Variants in RGS5 observed in about 807,000 individuals in gnomAD.
RGS5 encodes the protein regulator of G-protein signalling 5.
Under a neutral mutation model 18.9 loss-of-function variants are expected in RGS5, and 20 were observed. The ratio of observed to expected loss-of-function variants is 1.06; its 90% CI spans 0.74 to 1.54. RGS5 has a LOEUF of 1.54. Ranked by LOEUF, RGS5 falls within the 40% of genes most tolerant of loss-of-function variation. The pLI is 0.00. For synonymous variants in RGS5, 57 were observed against 76.2 expected, an observed-to-expected ratio of 0.75 and a Z score of 1.31; for missense variants, 201 against 211.8, an observed-to-expected ratio of 0.95 and a Z score of 0.32.
chr1:163,156,185 G>A (rs890374840), intron 3 of RGS5, among the ~76,000 whole-genome samples: 8 of 152,118 alleles, frequency 5.3e-5, no homozygotes, highest in East Asian at 1.9e-4. Context: ...TTATATTACT[G>A]CAATAACTTG....
intron 2 of RGS5, chr1:163,244,785 G>A (rs1242048213): frequency 6.6e-6 from 1 of 152,154 alleles, no homozygotes; most frequent in Non-Finnish European, 1.5e-5. Flanking sequence ...GAATCATTCA[G>A]AAGGTTTAAT....
chr1:163,224,561 T>C (rs561557202), intron 2 of RGS5, among the ~76,000 whole-genome samples: 3 of 152,340 alleles, frequency 2.0e-5, no homozygotes, highest in African/African-American at 7.2e-5. Flanking sequence ...CCTTTGGATA[T>C]ATACCCAATA....
chr1:163,269,267 A>G (rs1431269089), intron 2 of RGS5, among the ~76,000 whole-genome samples: 2 of 152,166 alleles, frequency 1.3e-5, no homozygotes, highest in Non-Finnish European at 2.9e-5. Context: ...AGGGCACCTC[A>G]GTTTGCCCAT....
At chr1:163,306,322 C>T (rs975010905) in exon 2 of RGS5, 16 of 152,140 alleles carry the variant, frequency 1.1e-4, no homozygotes, top group African/African-American at 3.9e-4. Context: ...TTTTTAAGCG[C>T]TCTGTTTCTA....
chr1:163,301,631 C>T (rs1649554084), intron 2 of RGS5, among the ~76,000 whole-genome samples: 1 of 152,144 alleles, frequency 6.6e-6, no homozygotes, highest in Non-Finnish European at 1.5e-5. Flanking sequence ...CCACGCCAGG[C>T]CCAGAATGAG....
At chr1:163,313,227 GTTATT>G (rs1396403919) in intron 1 of RGS5, among the ~76,000 whole-genome samples, 1 of 152,068 alleles carries the variant, frequency 6.6e-6, no homozygotes, top group Non-Finnish European at 1.5e-5. Context: ...CAGAAAAATA[GTTATT>G]TTCTTTAAAA....
intron 2 of RGS5, among the ~76,000 whole-genome samples, chr1:163,163,733 C>T (rs1199602274): frequency 1.3e-5 from 2 of 152,190 alleles, no homozygotes; most frequent in East Asian, 3.8e-4. Context: ...TAGACACCCA[C>T]CAAGTCCCTA....
At chr1:163,199,519 C>T (rs1359473168) in intron 1 of RGS5, among the ~76,000 whole-genome samples, 1 of 151,998 alleles carries the variant, frequency 6.6e-6, no homozygotes, top group Non-Finnish European at 1.5e-5. Flanking sequence ...TATCCTTACC[C>T]ATTATATATA....
intron 2 of RGS5, among the ~76,000 whole-genome samples, chr1:163,230,348 TCC>T (rs1647445450): frequency 6.6e-6 from 1 of 152,096 alleles, no homozygotes; most frequent in African/African-American, 2.4e-5. Context: ...TTTTTTTCAA[TCC>T]TATTTTCTCC....
chr1:163,290,462 T>C (rs1571343771), intron 2 of RGS5, among the ~76,000 whole-genome samples: 1 of 152,230 alleles, frequency 6.6e-6, no homozygotes, highest in South Asian at 2.1e-4. Context: ...CATTTCTTCA[T>C]TGTTTACTAA....
At position 163,216,759 on chromosome 1, in the gene RGS5, G is replaced by A. The variant is rs891263623; in HGVS notation, c.69+767C>T. 6.6e-5 allele frequency among the ~76,000 whole-genome samples: 10 copies of A among 152,324 alleles called. No homozygotes were observed. The East Asian group carries it at 1.9e-3, about 29-fold the overall frequency. On this transcript the variant is annotated intron_variant, in intron 1 of 5. Transcript: ENST00000367903. ...TTTGTAGAACCATTGTGAGCATGCT[G>A]TGGGCTTCAGGGTTCTCAGTTTGTG...
chr1:163,231,060 A>C (rs1251359176), intron 2 of RGS5, among the ~76,000 whole-genome samples: 1 of 152,240 alleles, frequency 6.6e-6, no homozygotes, highest in African/African-American at 2.4e-5. Context: ...TGGCCAATAC[A>C]GCAGAGCGGA....
intron 1 of RGS5, among the ~76,000 whole-genome samples, chr1:163,217,109 G>T (rs1165461428): frequency 6.6e-6 from 1 of 152,028 alleles, no homozygotes; most frequent in African/African-American, 2.4e-5. Flanking sequence ...AGAAGAGAGA[G>T]AATAAAAAAA....
At chr1:163,228,132 C>A (rs553633079) in intron 2 of RGS5, among the ~76,000 whole-genome samples, 1 of 152,318 alleles carries the variant, frequency 6.6e-6, no homozygotes, top group African/African-American at 2.4e-5. Context: ...CCTCTTCTCA[C>A]AGCTCTACTA....
chr1:163,240,607 C>T (rs1481269317), intron 2 of RGS5, among the ~76,000 whole-genome samples: 1 of 152,112 alleles, frequency 6.6e-6, no homozygotes, highest in African/African-American at 2.4e-5. Flanking sequence ...GCCTCAAACT[C>T]TAGGGCTCAA....
intron 2 of RGS5, among the ~76,000 whole-genome samples, chr1:163,268,487 G>A (rs759254793): frequency 3.3e-5 from 5 of 151,882 alleles, no homozygotes; most frequent in South Asian, 2.1e-4. Context: ...CTGTTCCACC[G>A]AGGGCTAGCT....
intron 2 of RGS5, among the ~76,000 whole-genome samples, chr1:163,272,037 CCTCT>C (rs1333900039): frequency 3.3e-5 from 5 of 150,950 alleles, no homozygotes; most frequent in South Asian, 2.1e-4. Context: ...TCTCTGTCTC[CCTCT>C]CTCTCTCTTT....
At chr1:163,184,740 T>C (rs1409808681) in intron 1 of RGS5, among the ~76,000 whole-genome samples, 5 of 152,182 alleles carry the variant, frequency 3.3e-5, no homozygotes, top group African/African-American at 1.2e-4. Context: ...CTGCTGGCTG[T>C]AACATGAGTC....
chr1:163,155,506 C>G (rs1335836875), intron 3 of RGS5, among the ~76,000 whole-genome samples: 1 of 152,150 alleles, frequency 6.6e-6, no homozygotes, highest in Non-Finnish European at 1.5e-5. Context: ...AATCTGTGCA[C>G]CTGGCTTTTG....
Sources: gnomAD v4.1 joint callset for allele counts (sites outside exome capture counted in the v4.1 genomes callset) on GRCh38, gnomAD v4.1.1 for gene constraint, MANE v1.5 for transcripts, NCBI Gene and HGNC (gene_info 2026-07-23, HGNC 2026-07-21) for gene names.